Variants in CDH9 observed in about 807,000 individuals in gnomAD.
CDH9 encodes cadherin 9.
Under a neutral mutation model 70.9 loss-of-function variants are expected in CDH9, and 28 were observed. The observed-to-expected ratio is 0.40, with a 90% CI of 0.29 to 0.54. The LOEUF (loss-of-function observed/expected upper bound fraction) is 0.54, where lower values mean the gene tolerates loss of function less well. Ranked by LOEUF, CDH9 falls within the 20% of genes least tolerant of loss-of-function variation. CDH9 has a pLI of 0.59. For synonymous variants in CDH9, 409 were observed against 343.1 expected (o/e 1.19, Z -2.12); for missense variants, 874 against 984.4 (o/e 0.89, Z 1.50).
intron 11 of CDH9, among the ~76,000 whole-genome samples, chr5:26,884,859 C>T (rs533820847): frequency 1.3e-5 from 2 of 152,210 alleles, no homozygotes; most frequent in South Asian, 4.1e-4. Flanking sequence ...TGAATTAAAT[C>T]GTTGTCCTGT....
At chr5:26,908,676 C>T (rs1288943683) in intron 3 of CDH9, among the ~76,000 whole-genome samples, 2 of 152,040 alleles carry the variant, frequency 1.3e-5, no homozygotes, top group Admixed American at 6.6e-5. Flanking sequence ...TGAAGTTACG[C>T]AAGGACGCTT....
At chr5:26,933,091 T>C (rs1266627525) in intron 2 of CDH9, among the ~76,000 whole-genome samples, 1 of 147,418 alleles carries the variant, frequency 6.8e-6, no homozygotes, top group Non-Finnish European at 1.5e-5. Flanking sequence ...AATATAATTC[T>C]ATTTATATTA....
At position 26,902,573 on chromosome 5, in the gene CDH9, C is replaced by T. The variant is rs1305717750; in HGVS notation, c.1156G>A (p.Val386Ile). Residue 386 changes from valine to isoleucine, a missense_variant, in exon 7 of 12, where the codon GTC becomes ATC. Physicochemically the swap from Val to Ile is conservative, Grantham distance 29 (BLOSUM62 3). Coordinates refer to ENST00000231021, the MANE Select transcript of CDH9 (RefSeq NM_016279.4). Reference sequence around the variant, plus strand: ...TCATCTACTTCTATCAAGTAAGAGACTTTAGTGAACACAGGAGGCTCATCT... The same window carrying T: ...TCATCTACTTCTATCAAGTAAGAGATTTTAGTGAACACAGGAGGCTCATCT... ...DIDEPPVFTK[V>I]SYLIEVDEDV... 1.0e-5 allele frequency: 16 copies of T among 1,597,394 alleles called. No individual in the cohort carries two copies. Among genetic ancestry groups the T allele is most frequent in the Admixed American group, 3.3e-5 (2 of 59,848 alleles).
At chr5:26,898,368 C>A (rs998503629) in intron 7 of CDH9, among the ~76,000 whole-genome samples, 2 of 152,100 alleles carry the variant, frequency 1.3e-5, no homozygotes, top group Admixed American at 6.5e-5. Context: ...ATAGCAAAGA[C>A]AATCCTAAGC....
intron 1 of CDH9, among the ~76,000 whole-genome samples, chr5:27,014,907 C>A (rs1450737478): frequency 6.6e-6 from 1 of 151,806 alleles, no homozygotes; most frequent in Admixed American, 6.6e-5. Flanking sequence ...TTATCCTTAT[C>A]ACATCCACAG....
intron 2 of CDH9, among the ~76,000 whole-genome samples, chr5:26,922,039 A>AAG (rs1044203173): frequency 6.2e-4 from 85 of 136,920 alleles, no homozygotes; most frequent in African/African-American, 1.9e-3. Context: ...AAAAAAAAAA[A>AAG]AGAGAGAGAG....
intron 2 of CDH9, among the ~76,000 whole-genome samples, chr5:26,963,705 A>G (rs1315277226): frequency 2.0e-5 from 3 of 152,124 alleles, no homozygotes; most frequent in African/African-American, 7.2e-5. Context: ...ACATTAGTGC[A>G]CATTGGTGAT....
At chr5:26,997,689 A>G (rs560493806) in intron 1 of CDH9, among the ~76,000 whole-genome samples, 1 of 148,992 alleles carries the variant, frequency 6.7e-6, no homozygotes, top group South Asian at 2.1e-4. Context: ...ATTTGTTATT[A>G]TCACAAACAA....
At chr5:26,901,271 AC>A (rs894083208) in intron 7 of CDH9, among the ~76,000 whole-genome samples, 2 of 151,900 alleles carry the variant, frequency 1.3e-5, no homozygotes, top group African/African-American at 4.8e-5. Context: ...TTTTTTTAAA[AC>A]AGATGTTTAG....
At chr5:26,967,156 C>A (rs556203204) in intron 2 of CDH9, among the ~76,000 whole-genome samples, 2 of 151,896 alleles carry the variant, frequency 1.3e-5, no homozygotes, top group South Asian at 2.1e-4. Flanking sequence ...TTCTCACTAC[C>A]TTTCCCAGGT....
intron 2 of CDH9, among the ~76,000 whole-genome samples, chr5:26,916,230 C>CA (rs1405694555): frequency 8.6e-5 from 13 of 151,858 alleles, no homozygotes; most frequent in Non-Finnish European, 1.6e-4. Context: ...CAGTGCATTA[C>CA]AAAAAAATCC....
chr5:26,969,919 AATATAT>A (rs763770069), intron 2 of CDH9, among the ~76,000 whole-genome samples: 5 of 144,670 alleles, frequency 3.5e-5, no homozygotes, highest in African/African-American at 1.3e-4. Flanking sequence ...CATATGTACA[AATATAT>A]ATATATATAT....
intron 1 of CDH9, among the ~76,000 whole-genome samples, chr5:26,988,861 A>G (rs1247430984): frequency 6.6e-6 from 1 of 151,948 alleles, no homozygotes; most frequent in Non-Finnish European, 1.5e-5. Flanking sequence ...CCTCTTTACA[A>G]TCCTCCTCAT....
chr5:26,955,639 C>A (rs1296990396), intron 2 of CDH9, among the ~76,000 whole-genome samples: 1 of 151,884 alleles, frequency 6.6e-6, no homozygotes, highest in Non-Finnish European at 1.5e-5. Context: ...TTTCAGCTGA[C>A]TACCAATATC....
intron 2 of CDH9, among the ~76,000 whole-genome samples, chr5:26,984,894 CCAA>C (rs1354878657): frequency 5.9e-5 from 9 of 152,066 alleles, no homozygotes; most frequent in Non-Finnish European, 7.4e-5. Flanking sequence ...GCTATTTATT[CCAA>C]CATTTCTGAC....
intron 7 of CDH9, among the ~76,000 whole-genome samples, chr5:26,896,684 T>A (rs1037016130): frequency 4.0e-5 from 6 of 151,852 alleles, no homozygotes; most frequent in Admixed American, 3.3e-4. Context: ...TAGAGGGAAA[T>A]TTATAGCACT....
At chr5:26,931,947 C>A (rs1741470697) in intron 2 of CDH9, among the ~76,000 whole-genome samples, 1 of 152,000 alleles carries the variant, frequency 6.6e-6, no homozygotes, top group South Asian at 2.1e-4. Context: ...AAGGTCAATC[C>A]TCACATCTAT....
chr5:27,004,015 T>G (rs1742815593), intron 1 of CDH9, among the ~76,000 whole-genome samples: 1 of 148,284 alleles, frequency 6.7e-6, no homozygotes, highest in Admixed American at 6.9e-5. Context: ...TTCTAAAAAA[T>G]TACGAAGAAG....
In CDH9 at chr5:26,911,636, T is replaced by C. The variant is rs576380125; in HGVS notation, c.523+3994A>G. 7.3e-5 allele frequency among the ~76,000 whole-genome samples: 11 copies of C among 150,670 alleles called. No individual in the cohort carries two copies. The South Asian group carries it at 2.3e-3, about 32-fold the overall frequency. Reference sequence around the variant, plus strand: ...ACGAAAGCATGCACATGAAGCAAGTTGATAGAAAATATTTTATCAATAGTG... The same window carrying C: ...ACGAAAGCATGCACATGAAGCAAGTCGATAGAAAATATTTTATCAATAGTG... On this transcript the variant is annotated intron_variant, in intron 3 of 11. Transcript: ENST00000231021.
Sources: allele counts gnomAD v4.1 joint callset (sites outside exome capture counted in the v4.1 genomes callset), GRCh38; gene constraint gnomAD v4.1.1; transcripts MANE v1.5; gene names NCBI Gene and HGNC (gene_info 2026-07-23, HGNC 2026-07-21).